DLGAP1: variants seen among roughly 807,000 people sequenced by gnomAD.
The protein encoded by DLGAP1 is disks large-associated protein 1.
A neutral mutation model predicts 90.8 loss-of-function variants in DLGAP1; 11 were observed. The observed-to-expected ratio is 0.12, with a 90% CI of 0.08 to 0.20. DLGAP1 has a LOEUF of 0.20. Ranked by LOEUF, DLGAP1 falls within the 10% of genes least tolerant of loss-of-function variation. The probability of loss-of-function intolerance (pLI) is 1.00; values close to 1 mark genes in which losing one functional copy is unlikely to be tolerated. For missense variants in DLGAP1, 1,050 were observed against 1,333.8 expected (o/e 0.79, Z 3.31); for synonymous variants, 558 against 540.7 (o/e 1.03, Z -0.44).
chr18:3,742,115 C>T (rs2063077328), intron 6 of DLGAP1, among the ~76,000 whole-genome samples: 1 of 152,158 alleles, frequency 6.6e-6, no homozygotes, highest in South Asian at 2.1e-4. Flanking sequence ...GTGCTTTATC[C>T]ACTTACAGAG....
chr18:3,897,994 C>T lies in DLGAP1; in HGVS notation c.-72-17854G>A, dbSNP rs536742343. Among the ~76,000 whole-genome samples, 26 of 151,976 alleles carry T rather than the reference C, an allele frequency of 1.7e-4. No individual in the cohort carries two copies. In the East Asian group the frequency reaches 4.6e-3, roughly 27 times the overall value. On this transcript the variant is annotated intron_variant, in intron 3 of 12. Coordinates refer to ENST00000315677, the MANE Select transcript of DLGAP1 (RefSeq NM_004746.4). ...TATTTTTAGTAGAGACGGGGTTTCA[C>T]CTTGTTAGCCAGGATGGTCTCGATC... is the stretch of plus-strand genomic sequence containing the variant.
At chr18:3,906,941 A>T (rs1468494127) in intron 3 of DLGAP1, among the ~76,000 whole-genome samples, 1 of 152,242 alleles carries the variant, frequency 6.6e-6, no homozygotes, top group African/African-American at 2.4e-5. Flanking sequence ...TTTGTATTTT[A>T]AAAAAACAAC....
intron 9 of DLGAP1, among the ~76,000 whole-genome samples, chr18:3,535,899 G>A (rs1242212811): frequency 6.6e-6 from 1 of 151,998 alleles, no homozygotes; most frequent in Non-Finnish European, 1.5e-5. Flanking sequence ...GCTGGGCGTG[G>A]TGGCACATGC....
intron 4 of DLGAP1, among the ~76,000 whole-genome samples, chr18:3,835,524 C>G (rs1727790943): frequency 1.3e-5 from 2 of 151,832 alleles, no homozygotes; most frequent in African/African-American, 4.8e-5. Flanking sequence ...TGGCGCGCGA[C>G]TGTAGTTCCA....
intron 7 of DLGAP1, among the ~76,000 whole-genome samples, chr18:3,646,662 T>C (rs548401737): frequency 2.6e-4 from 39 of 152,232 alleles, no homozygotes; most frequent in East Asian, 1.2e-3. Flanking sequence ...CGGTGGCTCA[T>C]GCCTGTAATC....
intron 1 of DLGAP1, among the ~76,000 whole-genome samples, chr18:4,238,779 G>C (rs1421495935): frequency 6.6e-6 from 1 of 152,100 alleles, no homozygotes; most frequent in East Asian, 1.9e-4. Context: ...TTAGAAATGG[G>C]TGCCCTTTAG....
chr18:4,120,425 A>T (rs2076133768), intron 2 of DLGAP1, among the ~76,000 whole-genome samples: 1 of 152,226 alleles, frequency 6.6e-6, no homozygotes, highest in Non-Finnish European at 1.5e-5. Context: ...TGAATTGCAC[A>T]TCACTCGTGG....
intron 1 of DLGAP1, among the ~76,000 whole-genome samples, chr18:4,331,358 T>G (rs2080946646): frequency 1.3e-5 from 2 of 151,682 alleles, no homozygotes; most frequent in Non-Finnish European, 1.5e-5. Context: ...TCCATTCCTC[T>G]TTTCTCCTAC....
chr18:3,703,897 A>T (rs1389605327), intron 7 of DLGAP1, among the ~76,000 whole-genome samples: 1 of 152,130 alleles, frequency 6.6e-6, no homozygotes, highest in Non-Finnish European at 1.5e-5. Flanking sequence ...ACCCTACATG[A>T]TACAAATTCC....
chr18:3,602,518 C>T (rs2057107580), intron 7 of DLGAP1, among the ~76,000 whole-genome samples: 1 of 149,496 alleles, frequency 6.7e-6, no homozygotes, highest in Non-Finnish European at 1.5e-5. Flanking sequence ...TGGCGTGAAC[C>T]CGGGAGGCGG....
chr18:3,628,741 T>C (rs2058408680), intron 7 of DLGAP1, among the ~76,000 whole-genome samples: 2 of 152,220 alleles, frequency 1.3e-5, no homozygotes, highest in Admixed American at 6.5e-5. Context: ...GCTTACTACA[T>C]ATATGTATTC....
At chr18:3,690,020 T>TG (rs921590785) in intron 7 of DLGAP1, among the ~76,000 whole-genome samples, 13 of 151,844 alleles carry the variant, frequency 8.6e-5, no homozygotes, top group East Asian at 3.9e-4. Context: ...CATTTTTTTT[T>TG]TGTGGAATTC....
chr18:4,188,184 G>C (rs2077333009), intron 1 of DLGAP1, among the ~76,000 whole-genome samples: 1 of 151,670 alleles, frequency 6.6e-6, no homozygotes, highest in South Asian at 2.1e-4. Flanking sequence ...GCTCTAATTG[G>C]TTTCATCTTA....
chr18:4,216,205 A>G (rs1361016428), intron 1 of DLGAP1, among the ~76,000 whole-genome samples: 1 of 151,982 alleles, frequency 6.6e-6, no homozygotes, highest in Non-Finnish European at 1.5e-5. Flanking sequence ...GCTGGAGAAA[A>G]GCCCCTTAGA....
chr18:3,676,960 G>T (rs2060326562), intron 7 of DLGAP1, among the ~76,000 whole-genome samples: 1 of 151,784 alleles, frequency 6.6e-6, no homozygotes, highest in Admixed American at 6.6e-5. Context: ...TGCATTTTCT[G>T]TTGCCACCAC....
chr18:4,276,272 T>C lies in DLGAP1; in HGVS notation c.-266-124985A>G, dbSNP rs190846195. On this transcript the variant is annotated intron_variant, in intron 1 of 12. Coordinates refer to ENST00000315677, the MANE Select transcript of DLGAP1 (RefSeq NM_004746.4). ...GCTGACTTTGACTTTGGCTATAGTG[T>C]GGAGAATTGTAATGAGCTCTGATTA... Among the ~76,000 whole-genome samples the C allele has an allele frequency of 1.2e-3, 188 of 151,872 alleles. 1 individual carries two copies. The highest frequency in any genetic ancestry group is 4.4e-3 in the African/African-American group (184 of 41,426).
At position 3,846,248 on chromosome 18, in the gene DLGAP1, A is replaced by G. The variant is rs16945499; in HGVS notation, c.958-31975T>C. Among the ~76,000 whole-genome samples, 443 of 152,324 alleles carry G rather than the reference A, an allele frequency of 2.9e-3. 8 individuals are homozygous for G. The East Asian group carries it at 0.042, about 15-fold the overall frequency. On this transcript the variant is annotated intron_variant, in intron 4 of 12. Coordinates refer to ENST00000315677, the MANE Select transcript of DLGAP1 (RefSeq NM_004746.4). ...GTTATCAATAGACAAGGACAATACA[A>G]TTTCAGTAGAGCAAAGACTTACACC...
At chr18:4,391,039 T>C (rs892722373) in intron 1 of DLGAP1, among the ~76,000 whole-genome samples, 1 of 152,160 alleles carries the variant, frequency 6.6e-6, no homozygotes. Flanking sequence ...CCTATCCCGA[T>C]TGACACATAT....
intron 5 of DLGAP1, among the ~76,000 whole-genome samples, chr18:3,795,605 C>G (rs539233600): frequency 6.6e-6 from 1 of 152,034 alleles, no homozygotes; most frequent in East Asian, 1.9e-4. Flanking sequence ...TGAGTCACCG[C>G]GCCTGGCCTG....
Sources: gnomAD v4.1 joint callset for allele counts (sites outside exome capture counted in the v4.1 genomes callset) on GRCh38, gnomAD v4.1.1 for gene constraint, MANE v1.5 for transcripts, NCBI Gene and HGNC (gene_info 2026-07-23, HGNC 2026-07-21) for gene names.